RAPH1: variants seen among roughly 807,000 people sequenced by gnomAD.
RAPH1 encodes the protein Ras association (RalGDS/AF-6) and pleckstrin homology domains 1, also known as ras-associated and pleckstrin homology domains-containing protein 1.
A neutral mutation model predicts 88.1 loss-of-function variants in RAPH1; 18 were observed. That is an observed-to-expected ratio of 0.20 (90% CI 0.14 to 0.30). The LOEUF (loss-of-function observed/expected upper bound fraction) is 0.30. Ranked by LOEUF, RAPH1 falls within the 10% of genes least tolerant of loss-of-function variation. The pLI is 1.00. For synonymous variants in RAPH1, 587 were observed against 559.0 expected (o/e 1.05, Z -0.71); for missense variants, 1,448 against 1,543.2 (o/e 0.94, Z 1.03).
At position 203,440,608 on chromosome 2, in the gene RAPH1, A is replaced by C. The variant is rs2098502703; in HGVS notation, c.2582T>G (p.Val861Gly). The C allele has an allele frequency of 1.9e-6, 3 of 1,539,000 alleles. No homozygotes were observed. Among genetic ancestry groups the C allele is most frequent in the Non-Finnish European group, 2.6e-6 (3 of 1,142,368 alleles). The part of the protein sequence containing the change: ...PPSPLSPVPS[V>G]VKQIASQFPP... Reference sequence around the variant, plus strand: ...AAACTGGCTGGCTATCTGCTTCACGACCGAGGGCACCGGTGACAGTGGAGA... The same window carrying C: ...AAACTGGCTGGCTATCTGCTTCACGCCCGAGGGCACCGGTGACAGTGGAGA... Residue 861 changes from valine to glycine, a missense_variant, in exon 14 of 14, where the codon GTC becomes GGC. By Grantham distance (109) the Val-to-Gly change is moderately radical. Transcript: ENST00000319170.
At chr2:203,503,894 G>C (rs959885633) in intron 1 of RAPH1, among the ~76,000 whole-genome samples, 2 of 152,148 alleles carry the variant, frequency 1.3e-5, no homozygotes, top group African/African-American at 4.8e-5. Flanking sequence ...AAGCCAGTGG[G>C]GCAGCCAAAT....
At chr2:203,510,927 T>G (rs1425747633) in intron 1 of RAPH1, among the ~76,000 whole-genome samples, 7 of 152,050 alleles carry the variant, frequency 4.6e-5, no homozygotes, top group African/African-American at 7.2e-5. Flanking sequence ...GAGTAAATAT[T>G]ATGTATATCT....
At chr2:203,524,367 T>C (rs1316035267) in intron 1 of RAPH1, among the ~76,000 whole-genome samples, 6 of 152,142 alleles carry the variant, frequency 3.9e-5, no homozygotes, top group Non-Finnish European at 8.8e-5. Flanking sequence ...TTGCCCACTT[T>C]AAAAATTAAA....
intron 9 of RAPH1, 106 bp downstream of exon 9, chr2:203,455,331 G>C: frequency 9.6e-7 from 1 of 1,047,082 alleles, no homozygotes; most frequent in Non-Finnish European, 1.4e-6. Flanking sequence ...TGTCTTCCAC[G>C]AACTGAAACA....
intron 4 of RAPH1, among the ~76,000 whole-genome samples, chr2:203,474,621 C>T (rs1359278080): frequency 6.6e-6 from 1 of 152,142 alleles, no homozygotes; most frequent in African/African-American, 2.4e-5. Flanking sequence ...GGAAAACTAG[C>T]TTGAAGTAAG....
intron 1 of RAPH1, among the ~76,000 whole-genome samples, chr2:203,525,566 T>C (rs1581412950): frequency 6.6e-6 from 1 of 151,724 alleles, no homozygotes; most frequent in Non-Finnish European, 1.5e-5. Context: ...TCTAAAAACA[T>C]GCTGACAGCC....
chr2:203,454,718 G>A (rs532030949), intron 9 of RAPH1, among the ~76,000 whole-genome samples, 178 bp from the exon 10 acceptor site: 3 of 152,138 alleles, frequency 2.0e-5, no homozygotes, highest in East Asian at 1.9e-4. Flanking sequence ...AATCATTAAC[G>A]TAACAAAAAA....
intron 1 of RAPH1, among the ~76,000 whole-genome samples, chr2:203,510,335 CAAAAAA>C (rs33911103): frequency 1.0e-4 from 4 of 38,096 alleles, no homozygotes; most frequent in African/African-American, 2.3e-4. Context: ...AACTCCATCT[CAAAAAA>C]AAAAAAAAAA....
intron 4 of RAPH1, among the ~76,000 whole-genome samples, chr2:203,481,165 T>A (rs928664667): frequency 6.6e-6 from 1 of 152,176 alleles, no homozygotes; most frequent in Non-Finnish European, 1.5e-5. Flanking sequence ...GCCCATGTAG[T>A]TAGTTCTGTA....
At chr2:203,457,481 G>A in intron 8 of RAPH1, 49 bp downstream of exon 8, 1 of 1,468,556 alleles carries the variant, frequency 6.8e-7, no homozygotes, top group Non-Finnish European at 9.5e-7. Flanking sequence ...ACCATGCCTG[G>A]CCTAATATTT....
chr2:203,458,382 A>G (rs191646863), intron 7 of RAPH1, among the ~76,000 whole-genome samples: 102 of 152,172 alleles, frequency 6.7e-4, no homozygotes, highest in Middle Eastern at 6.8e-3. Context: ...AAAAACAAAC[A>G]AACAAAAAAA....
chr2:203,440,975 G>A lies in RAPH1; in HGVS notation c.2215C>T (p.Gln739Ter). Residue 739 changes from glutamine (Q) to a stop codon, truncating the protein, a stop_gained, in exon 14 of 14, where the codon CAG (glutamine) becomes TAG (stop). Coordinates refer to ENST00000319170, the MANE Select transcript of RAPH1 (RefSeq NM_213589.3). LOFTEE classifies it low-confidence loss of function (END_TRUNC). ...AGTGGAGGAGGCGGGGCACTGAACT[G>A]TGGAAGGGATGGGGCACACGGTGCA... ...KPAPCAPSLPQFSAPPPPLKI... is the reference protein window; with the variant it reads ...KPAPCAPSLP 1 of 1,582,118 alleles carries A rather than the reference G, an allele frequency of 6.3e-7. No homozygotes were observed. Among genetic ancestry groups the A allele is most frequent in the Non-Finnish European group, 8.6e-7 (1 of 1,167,710 alleles).
In RAPH1 at chr2:203,436,232, T is replaced by C. The variant is rs1268266564; in HGVS notation, c.*3205A>G. On this transcript the variant is annotated 3_prime_UTR_variant, in exon 14 of 14. Transcript: ENST00000319170. ...GATTTTAGAGGACTATAAAACGCCATGTTTACTTTGTTTGAAATTTTCTGA... is the reference window on the plus strand; with the variant it reads ...GATTTTAGAGGACTATAAAACGCCACGTTTACTTTGTTTGAAATTTTCTGA... The C allele has an allele frequency of 6.6e-6, 1 of 152,224 alleles. No individual in the cohort carries two copies. Among genetic ancestry groups the C allele is most frequent in the African/African-American group, 2.4e-5 (1 of 41,454 alleles). The allele number at this position is 152,224 out of a possible 1,614,324, so 9.4% of individuals were successfully genotyped here.
intron 1 of RAPH1, among the ~76,000 whole-genome samples, chr2:203,510,511 G>A (rs1257376655): frequency 1.3e-5 from 2 of 152,028 alleles, no homozygotes; most frequent in Non-Finnish European, 2.9e-5. Context: ...ATTCTCCAGG[G>A]TGGCATCCCC....
At position 203,448,198 on chromosome 2, in the gene RAPH1, C is replaced by A; in HGVS notation, c.1513-119G>T. On this transcript the variant is annotated intron_variant, in intron 11 of 13. Transcript: ENST00000319170. This position sits in a 1 kb window ranked among gnomAD's most constrained non-coding sequence, Gnocchi z 4.1. The stretch of plus-strand genomic sequence containing the variant: ...TTGATGGTCTGTATTAAAATTAATA[C>A]CTATGATAGTTCAAAAATTCCTCTA... 2 of 848,600 alleles carry A rather than the reference C, an allele frequency of 2.4e-6. No homozygotes were observed. Among genetic ancestry groups the A allele is most frequent in the Non-Finnish European group, 3.4e-6 (2 of 581,586 alleles). The allele number at this position is 848,600 out of a possible 1,614,324, so 52.6% of individuals were successfully genotyped here.
Position 203,438,519 on chromosome 2 carries a change from A to G in RAPH1, c.*918T>C, listed in dbSNP as rs1427392131. On this transcript the variant is annotated 3_prime_UTR_variant, in exon 14 of 14. Transcript: ENST00000319170. ...ACCCAAAGACATACTGGGACAGAAC[A>G]TTACAGAGATAACTGTGTTATCCAT... 1.5e-5 allele frequency: 3 copies of G among 206,522 alleles called. No homozygotes were observed. The highest frequency in any genetic ancestry group is 8.0e-5 in the South Asian group (1 of 12,572). 12.8% of individuals were successfully genotyped at this position (206,522 alleles called of 1,614,324 possible).
rs1409691851 is a variant in RAPH1, at chr2:203,526,222, TTTTAAAAAAA to T, written c.-1+8879_-1+8888del. Among the ~76,000 whole-genome samples the T allele has an allele frequency of 3.9e-5, 6 of 152,276 alleles. No individual in the cohort carries two copies. The East Asian group carries it at 1.2e-3, about 29-fold the overall frequency. On this transcript the variant is annotated intron_variant, in intron 1 of 13. Transcript: ENST00000319170. ...ATTAAAGTCTCAATTTGCTAACGTT[TTTTAAAAAAA>T]TGTTTTATTACTGTATGTGTTGAAA...
intron 1 of RAPH1, among the ~76,000 whole-genome samples, chr2:203,532,249 T>C (rs1690421733): frequency 6.6e-6 from 1 of 152,230 alleles, no homozygotes; most frequent in African/African-American, 2.4e-5. Flanking sequence ...TGCATGATCA[T>C]AGCGCACTGT....
At chr2:203,523,493 C>T (rs1391318667) in intron 1 of RAPH1, among the ~76,000 whole-genome samples, 3 of 150,862 alleles carry the variant, frequency 2.0e-5, no homozygotes, top group Non-Finnish European at 2.9e-5. Flanking sequence ...GCAGAGGGCT[C>T]GATATCACTC....
Sources: allele counts gnomAD v4.1 joint callset (sites outside exome capture counted in the v4.1 genomes callset), GRCh38; gene constraint gnomAD v4.1.1; non-coding constraint Gnocchi (gnomAD v3.1); transcripts MANE v1.5; gene names NCBI Gene and HGNC (gene_info 2026-07-23, HGNC 2026-07-21).